Variants in COQ2 observed in about 807,000 individuals in gnomAD.
The protein encoded by COQ2 is 4-hydroxybenzoate polyprenyltransferase, mitochondrial.
A neutral mutation model predicts 35.7 loss-of-function variants in COQ2; 25 were observed. The ratio of observed to expected loss-of-function variants is 0.70; its 90% CI spans 0.51 to 0.98. The LOEUF is 0.98. COQ2 is among the 50% of genes least tolerant of loss of function. The pLI is 0.00. For synonymous variants in COQ2, 206 were observed against 186.2 expected, an observed-to-expected ratio of 1.11 and a Z score of -0.86; for missense variants, 488 against 473.5, an observed-to-expected ratio of 1.03 and a Z score of -0.28.
Position 83,267,731 on chromosome 4 carries a change from A to G in COQ2, c.806T>C (p.Leu269Pro). The G allele has an allele frequency of 6.4e-7, 1 of 1,552,192 alleles. No individual in the cohort carries two copies. The highest frequency in any genetic ancestry group is 8.7e-7 in the Non-Finnish European group (1 of 1,147,242). The change falls in exon 6 of 7, where the codon CTG (leucine) becomes CCG (proline). Residue 269 changes from leucine (L) to proline (P), a missense_variant. Transcript: ENST00000647002. ...CGGCTTGGTATTTTCTCCGAACCGC[A>G]GAGCCGTTGACTTAAGACCAATCAA... ...DVLIGLKSTA[L>P]RFGENTKPWL...
At chr4:83,272,298 G>T in intron 3 of COQ2, 126 bp from the exon 4 acceptor site, 1 of 516,810 alleles carries the variant, frequency 1.9e-6, no homozygotes, top group Non-Finnish European at 3.4e-6. Context: ...TATATTTTAT[G>T]TAAGTTATCT....
chr4:83,266,192 C>G (rs376741623), intron 6 of COQ2, among the ~76,000 whole-genome samples: 1 of 152,116 alleles, frequency 6.6e-6, no homozygotes, highest in Non-Finnish European at 1.5e-5. Context: ...TTAGTTTTCA[C>G]AGTGAGGAAA....
chr4:83,271,896 C>G (rs1255431903), intron 4 of COQ2, among the ~76,000 whole-genome samples, 191 bp downstream of exon 4: 1 of 152,022 alleles, frequency 6.6e-6, no homozygotes, highest in Non-Finnish European at 1.5e-5. Context: ...GATGATAACC[C>G]TAATAAATAT....
chr4:83,283,602 T>G, intron 1 of COQ2: 1 of 985,450 alleles, frequency 1.0e-6, no homozygotes, highest in Non-Finnish European at 1.2e-6. Context: ...TTTGTATCAC[T>G]CATATTTGAT....
At chr4:83,269,757 TA>T (rs1396776141) in intron 5 of COQ2, 102 bp downstream of exon 5, 3 of 1,103,110 alleles carry the variant, frequency 2.7e-6, no homozygotes, top group Non-Finnish European at 3.7e-6. Flanking sequence ...TTAAAGTTCT[TA>T]AAAAACAACA....
upstream of COQ2, among the ~76,000 whole-genome samples, chr4:83,285,119 A>G (rs957991343): frequency 2.0e-5 from 3 of 152,190 alleles, no homozygotes; most frequent in African/African-American, 7.2e-5. Flanking sequence ...ATTCTGTAAA[A>G]TAGAATAAGT....
chr4:83,267,325 T>C, intron 6 of COQ2: 4 of 424,268 alleles, frequency 9.4e-6, no homozygotes, highest in Non-Finnish European at 1.3e-5. Context: ...TGCAGTGAGC[T>C]GTGATTGCAC....
At position 83,264,019 on chromosome 4, in the gene COQ2, G is replaced by C; in HGVS notation, c.*180C>G. 1 of 477,264 alleles carries C rather than the reference G, an allele frequency of 2.1e-6. No homozygotes were observed. Among genetic ancestry groups the C allele is most frequent in the Non-Finnish European group, 3.6e-6 (1 of 279,276 alleles). The allele number at this position is 477,264 out of a possible 1,614,324, so 29.6% of individuals were successfully genotyped here. ...TCAAGGCCATCTCAAATCCTGAAGA[G>C]TCCCTGGTTTCTGTGACAAGGGGGA... On this transcript the variant is annotated 3_prime_UTR_variant, in exon 7 of 7. Transcript: ENST00000647002.
At chr4:83,272,065 C>T (rs916134209) in intron 4 of COQ2, 22 bp downstream of exon 4, 1 of 1,492,502 alleles carries the variant, frequency 6.7e-7, no homozygotes, top group Non-Finnish European at 9.2e-7. Flanking sequence ...AAAGGAAATA[C>T]TTTTAGTTAT....
intron 5 of COQ2, 93 bp downstream of exon 5, chr4:83,269,767 C>A: frequency 8.8e-7 from 1 of 1,138,656 alleles, no homozygotes; most frequent in Non-Finnish European, 1.2e-6. Flanking sequence ...TAAAAAACAA[C>A]AACAAATTTT....
At chr4:83,264,800 CTGAT>C (rs1734872302) in intron 6 of COQ2, among the ~76,000 whole-genome samples, 1 of 152,230 alleles carries the variant, frequency 6.6e-6, no homozygotes, top group African/African-American at 2.4e-5. Flanking sequence ...CTTATACTGA[CTGAT>C]CTAAAGTCTG....
intron 6 of COQ2, among the ~76,000 whole-genome samples, chr4:83,265,884 T>G (rs1394548251): frequency 6.6e-6 from 1 of 151,962 alleles, no homozygotes; most frequent in Non-Finnish European, 1.5e-5. Context: ...AGGCTGATCT[T>G]GAACTCCTGA....
intron 6 of COQ2, among the ~76,000 whole-genome samples, chr4:83,264,862 A>G (rs1031991989): frequency 7.2e-5 from 11 of 152,198 alleles, no homozygotes; most frequent in African/African-American, 2.7e-4. Context: ...CGTCTGCAGC[A>G]AAGTTTCTCA....
Position 83,267,675 on chromosome 4 carries a change from C to T in COQ2, c.862G>A (p.Gly288Arg). The T allele has an allele frequency of 1.3e-6, 2 of 1,567,064 alleles. No homozygotes were observed. Among genetic ancestry groups the T allele is most frequent in the Non-Finnish European group, 1.7e-6 (2 of 1,156,196 alleles). ...WLSGFSVAML[G>R]ALSLVGVNSG... Reference sequence around the variant, plus strand: ...TTCACACCCACTAGGCTCAGTGCCCCCAGCATTGCAACACTGAAGCCGCTG... The same window carrying T: ...TTCACACCCACTAGGCTCAGTGCCCTCAGCATTGCAACACTGAAGCCGCTG... Residue 288 changes from glycine (G) to arginine (R), a missense_variant, in exon 6 of 7, where the codon GGG becomes AGG. Transcript: ENST00000647002.
chr4:83,283,768 A>G, intron 1 of COQ2: 1 of 985,452 alleles, frequency 1.0e-6, no homozygotes, highest in Non-Finnish European at 1.2e-6. Flanking sequence ...ATCAATCAAC[A>G]AGCGCATAAG....
At chr4:83,278,023 C>T (rs1239934229) in intron 2 of COQ2, among the ~76,000 whole-genome samples, 12 of 136,386 alleles carry the variant, frequency 8.8e-5, no homozygotes, top group Admixed American at 1.5e-4. Context: ...CACACACACA[C>T]GTAACACTAT....
chr4:83,283,524 A>G, intron 1 of COQ2: 1 of 985,470 alleles, frequency 1.0e-6, no homozygotes, highest in Non-Finnish European at 1.2e-6. Flanking sequence ...CCTTTGGAGT[A>G]TAATTTCTTC....
intron 2 of COQ2, among the ~76,000 whole-genome samples, chr4:83,275,969 C>G (rs1735155080): frequency 7.2e-6 from 1 of 139,048 alleles, no homozygotes; most frequent in Admixed American, 7.0e-5. Flanking sequence ...TGATACATGC[C>G]AGAAGCCTCA....
chr4:83,279,278 T>C (rs1735256700), intron 1 of COQ2, among the ~76,000 whole-genome samples, 164 bp from the exon 2 acceptor site: 1 of 152,066 alleles, frequency 6.6e-6, no homozygotes, highest in Non-Finnish European at 1.5e-5. Flanking sequence ...AAGGACCCCT[T>C]ACTACGCAGA....
Sources: gnomAD v4.1 joint callset for allele counts (sites outside exome capture counted in the v4.1 genomes callset) on GRCh38, gnomAD v4.1.1 for gene constraint, MANE v1.5 for transcripts, NCBI Gene and HGNC (gene_info 2026-07-23, HGNC 2026-07-21) for gene names.